The following CPEB1 variants were observed in gnomAD, a reference collection of about 807,000 sequenced individuals.
CPEB1 encodes cytoplasmic polyadenylation element-binding protein 1.
CPEB1 carries 7 observed loss-of-function variants against 65.8 expected under a neutral mutation model. The observed-to-expected ratio is 0.11, with a 90% CI of 0.06 to 0.20. CPEB1 has a LOEUF of 0.20. Among genes scored for constraint, CPEB1 ranks in the 10% least tolerant of loss-of-function variants. The pLI, the probability that CPEB1 is intolerant of heterozygous loss-of-function variation, is 1.00. For missense variants in CPEB1, 551 were observed against 712.2 expected (o/e 0.77, Z 2.58); for synonymous variants, 262 against 260.0 (o/e 1.01, Z -0.08).
rs2043075986 is a variant in CPEB1, at chr15:82,601,077, G to C, written c.271+26116C>G. ...GTGCCACCACACCGAGCTAATTTTTGTATTTTTTAGTAGAGACAGGGTTTC... is the reference window on the plus strand; with the variant it reads ...GTGCCACCACACCGAGCTAATTTTTCTATTTTTTAGTAGAGACAGGGTTTC... On this transcript the variant is annotated intron_variant, in intron 3 of 12. Transcript: ENST00000684509. 4.7e-5 allele frequency among the ~76,000 whole-genome samples: 7 copies of C among 149,954 alleles called. 1 individual carries two copies. In the South Asian group the frequency reaches 1.5e-3, roughly 32 times the overall value.
At chr15:82,555,545 C>T (rs1397698419) in intron 6 of CPEB1, among the ~76,000 whole-genome samples, 1 of 152,220 alleles carries the variant, frequency 6.6e-6, no homozygotes, top group Non-Finnish European at 1.5e-5. Flanking sequence ...TGAGGACATC[C>T]ACCCGTGGAA....
intron 10 of CPEB1, among the ~76,000 whole-genome samples, chr15:82,549,001 C>T (rs996243710): frequency 6.6e-6 from 1 of 152,272 alleles, no homozygotes; most frequent in Admixed American, 6.5e-5. Context: ...GCACAGGCCA[C>T]ACTCTGTTGC....
rs1173401350 is a variant in CPEB1, at chr15:82,556,598, T to C, written c.688-476A>G. 4 of 152,530 alleles carry C rather than the reference T, an allele frequency of 2.6e-5. 1 individual carries two copies. The highest frequency in any genetic ancestry group is 1.9e-4 in the East Asian group (1 of 5,202). 9.4% of individuals were successfully genotyped at this position (152,530 alleles called of 1,614,324 possible). On this transcript the variant is annotated intron_variant, in intron 5 of 12. Coordinates refer to ENST00000684509, the MANE Select transcript of CPEB1 (RefSeq NM_001365242.1). ...CCATAAGCTGTGTCAAACCTTTAAA[T>C]TCTAATTTACGTGTGTGAAATGATA...
At chr15:82,634,836 T>G (rs2151356028) in intron 1 of CPEB1, among the ~76,000 whole-genome samples, 1 of 152,296 alleles carries the variant, frequency 6.6e-6, no homozygotes, top group East Asian at 1.9e-4. Flanking sequence ...TGCTGAGACG[T>G]ACTCTGGCAA....
At chr15:82,548,443 T>C (rs1054082511) in intron 10 of CPEB1, among the ~76,000 whole-genome samples, 1 of 152,240 alleles carries the variant, frequency 6.6e-6, no homozygotes, top group South Asian at 2.1e-4. Flanking sequence ...AGCTACCATA[T>C]TCGTACCATA....
At chr15:82,629,691 C>T in intron 1 of CPEB1, 1 of 985,386 alleles carries the variant, frequency 1.0e-6, no homozygotes, top group South Asian at 4.7e-5. Context: ...CCTCAATTAT[C>T]TTGCGGAAAA....
chr15:82,580,857 T>C (rs1180542775), intron 3 of CPEB1, among the ~76,000 whole-genome samples: 3 of 151,660 alleles, frequency 2.0e-5, no homozygotes, highest in Admixed American at 1.3e-4. Flanking sequence ...TTCTTTTTTT[T>C]TTTTCTTTTT....
intron 6 of CPEB1, 47 bp downstream of exon 6, chr15:82,555,823 T>C: frequency 6.3e-7 from 1 of 1,575,046 alleles, no homozygotes; most frequent in Non-Finnish European, 8.6e-7. Context: ...TCCTCTCTGC[T>C]CCCAAAATGA....
intron 3 of CPEB1, among the ~76,000 whole-genome samples, chr15:82,598,585 G>T (rs1389820385): frequency 6.6e-6 from 1 of 151,882 alleles, no homozygotes; most frequent in South Asian, 2.1e-4. Context: ...AGGAGTTTGA[G>T]ACCAGCCTGA....
At chr15:82,622,801 T>C (rs1375796438) in intron 3 of CPEB1, among the ~76,000 whole-genome samples, 3 of 152,178 alleles carry the variant, frequency 2.0e-5, no homozygotes, top group East Asian at 1.9e-4. Flanking sequence ...TCTCCATCTA[T>C]ACAAATACTT....
Position 82,555,921 on chromosome 15 carries a change from T to C in CPEB1, c.889A>G (p.Lys297Glu), listed in dbSNP as rs2037120814. ...WPSWDLLEAP[K>E]DPFSIEREAR... The stretch of plus-strand genomic sequence containing the variant: ...TCTCTCTCTATGCTGAAGGGGTCTT[T>C]GGGAGCTTCGAGGAGGTCCCAGGAT... The change falls in exon 6 of 13, where the codon AAA becomes GAA. Residue 297 changes from lysine to glutamate, a missense_variant. Lys to Glu is a moderately conservative substitution (Grantham distance 56). Coordinates refer to ENST00000684509, the MANE Select transcript of CPEB1 (RefSeq NM_001365242.1). The C allele has an allele frequency of 1.9e-6, 3 of 1,613,786 alleles. No individual in the cohort carries two copies. Among genetic ancestry groups the C allele is most frequent in the East Asian group, 2.2e-5 (1 of 44,868 alleles).
At chr15:82,593,359 C>T (rs867906597) in intron 3 of CPEB1, among the ~76,000 whole-genome samples, 7 of 152,218 alleles carry the variant, frequency 4.6e-5, no homozygotes, top group Non-Finnish European at 7.3e-5. Context: ...ACAGCATCTG[C>T]ACCAGGAGTA....
At chr15:82,600,659 A>G (rs1301112030) in intron 3 of CPEB1, among the ~76,000 whole-genome samples, 1 of 152,206 alleles carries the variant, frequency 6.6e-6, no homozygotes, top group African/African-American at 2.4e-5. Context: ...GACGCTAGTA[A>G]GTCAATGATA....
At chr15:82,605,419 G>C (rs111975977) in intron 3 of CPEB1, among the ~76,000 whole-genome samples, 52 of 152,164 alleles carry the variant, frequency 3.4e-4, no homozygotes, top group African/African-American at 1.0e-3. Context: ...ATTGGTAAAA[G>C]GGTACAAAGT....
At chr15:82,609,963 G>A (rs760730933) in intron 3 of CPEB1, among the ~76,000 whole-genome samples, 4 of 151,818 alleles carry the variant, frequency 2.6e-5, no homozygotes, top group Non-Finnish European at 4.4e-5. Flanking sequence ...GGGAGGCTGA[G>A]GCGGGAGAAT....
chr15:82,626,432 C>CA (rs1400278148), intron 3 of CPEB1, among the ~76,000 whole-genome samples: 2 of 151,526 alleles, frequency 1.3e-5, no homozygotes, highest in African/African-American at 4.8e-5. Flanking sequence ...GACTCCGTCC[C>CA]AAAAAACAAA....
intron 1 of CPEB1, among the ~76,000 whole-genome samples, chr15:82,644,567 A>G (rs1243366680): frequency 6.6e-6 from 1 of 152,192 alleles, no homozygotes; most frequent in Non-Finnish European, 1.5e-5. Context: ...GCTACATTTA[A>G]AAGTCAGGAG....
chr15:82,551,735 G>C (rs895183729), intron 9 of CPEB1, among the ~76,000 whole-genome samples: 1 of 152,118 alleles, frequency 6.6e-6, no homozygotes, highest in Non-Finnish European at 1.5e-5. Context: ...ACTGATTCCT[G>C]AGCTCAAAAC....
intron 5 of CPEB1, chr15:82,557,507 G>C: frequency 2.3e-6 from 1 of 443,184 alleles, no homozygotes; most frequent in Non-Finnish European, 4.0e-6. Context: ...AGTACTCTTG[G>C]AGTAGCTAGT....
Sources: gnomAD v4.1 joint callset for allele counts (sites outside exome capture counted in the v4.1 genomes callset) on GRCh38, gnomAD v4.1.1 for gene constraint, MANE v1.5 for transcripts, NCBI Gene and HGNC (gene_info 2026-07-23, HGNC 2026-07-21) for gene names.